The following IGLON5 variants were observed in gnomAD, a reference collection of about 807,000 sequenced individuals.
The protein encoded by IGLON5 is Ig-like domain-containing protein ENSP00000270642.
Under a neutral mutation model 38.2 loss-of-function variants are expected in IGLON5, and 16 were observed. The ratio of observed to expected loss-of-function variants is 0.42; its 90% CI spans 0.28 to 0.64. IGLON5 has a LOEUF of 0.64. Among genes scored for constraint, IGLON5 ranks in the 30% least tolerant of loss-of-function variants. IGLON5 has a pLI of 0.23. For missense variants in IGLON5, 366 were observed against 483.4 expected (o/e 0.76, Z 2.28); for synonymous variants, 207 against 216.4 (o/e 0.96, Z 0.38).
Position 51,327,607 on chromosome 19 carries a change from C to T in IGLON5, c.768-125C>T. On this transcript the variant is annotated intron_variant, in intron 6 of 7. Transcript: ENST00000270642. The surrounding 1 kb of genome is among the most constrained non-coding windows in gnomAD (Gnocchi z 7.1). ...CCGAGGTACATGAGGTGCTAGAACC[C>T]GAGGCGATGGGTCACTGGGGTAGGG... 7.3e-7 allele frequency: 1 copy of T among 1,378,634 alleles called. No individual in the cohort carries two copies. The highest frequency in any genetic ancestry group is 9.7e-7 in the Non-Finnish European group (1 of 1,029,524). 85.4% of individuals were successfully genotyped at this position (1,378,634 alleles called of 1,614,324 possible).
chr19:51,316,215 C>T (rs1471550821), intron 1 of IGLON5, among the ~76,000 whole-genome samples: 1 of 149,786 alleles, frequency 6.7e-6, no homozygotes, highest in Non-Finnish European at 1.5e-5. Flanking sequence ...CATGGTGGCA[C>T]GCACCAGTAG....
At chr19:51,315,363 G>T (rs1052141425) in intron 1 of IGLON5, among the ~76,000 whole-genome samples, 11 of 152,138 alleles carry the variant, frequency 7.2e-5, no homozygotes, top group African/African-American at 2.7e-4. Context: ...GGTTCATCTG[G>T]CTTGTGGGCT....
chr19:51,326,217 C>T (rs1051368090), intron 4 of IGLON5, among the ~76,000 whole-genome samples: 4 of 152,238 alleles, frequency 2.6e-5, no homozygotes, highest in African/African-American at 9.6e-5. Flanking sequence ...GTCATCTGAG[C>T]CCCATGAGCC....
chr19:51,321,982 T>A, intron 1 of IGLON5, 82 bp from the exon 2 acceptor site: 2 of 1,116,792 alleles, frequency 1.8e-6, no homozygotes, highest in Admixed American at 3.4e-5. Context: ...CACAAGGACG[T>A]GCGTGTGCAC....
intron 1 of IGLON5, among the ~76,000 whole-genome samples, chr19:51,316,939 C>A (rs1334488025): frequency 6.6e-6 from 1 of 150,588 alleles, no homozygotes; most frequent in South Asian, 2.1e-4. Context: ...CATGCCCCGC[C>A]CCTCCACCCC....
rs138158340 is a variant in IGLON5, at chr19:51,319,721, G to C, written c.80-2343G>C. Among the ~76,000 whole-genome samples the C allele has an allele frequency of 6.3e-3, 956 of 152,300 alleles. 7 individuals are homozygous for C. Among genetic ancestry groups the C allele is most frequent in the African/African-American group, 0.022 (913 of 41,540 alleles). ...TGACAATATGAGCGCTCCTGGGACAGATCCTCCTTTCCAGCTGACCTGCTG... is the reference window on the plus strand; with the variant it reads ...TGACAATATGAGCGCTCCTGGGACACATCCTCCTTTCCAGCTGACCTGCTG... On this transcript the variant is annotated intron_variant, in intron 1 of 7. Transcript: ENST00000270642.
At position 51,323,819 on chromosome 19, in the gene IGLON5, G is replaced by A. The variant is rs1985145334; in HGVS notation, c.316G>A (p.Asp106Asn). ...SILITEVGLG[D>N]EGLYTCSFQT... ...CCTCATCACCGAGGTGGGGCTCGGC[G>A]ACGAGGGCCTCTACACCTGCTCCTT... The change falls in exon 3 of 8, where the codon GAC (aspartate) becomes AAC (asparagine). Residue 106 changes from aspartate to asparagine, a missense_variant. Asp to Asn is a conservative substitution (Grantham distance 23). Coordinates refer to ENST00000270642, the MANE Select transcript of IGLON5 (RefSeq NM_001101372.3). The A allele has an allele frequency of 1.2e-6, 2 of 1,613,662 alleles. No homozygotes were observed. The highest frequency in any genetic ancestry group is 2.2e-5 in the East Asian group (1 of 44,864).
Position 51,322,160 on chromosome 19 carries a change from T to G in IGLON5, c.158+18T>G, listed in dbSNP as rs767518724. On this transcript the variant is annotated intron_variant, in intron 2 of 7. Coordinates refer to ENST00000270642, the MANE Select transcript of IGLON5 (RefSeq NM_001101372.3). Reference sequence around the variant, plus strand: ...ACCCTCAGGTACCTCCCTCGGTGGGTGGGGACTCAGATCTCATGGAGCCAT... The same window carrying G: ...ACCCTCAGGTACCTCCCTCGGTGGGGGGGGACTCAGATCTCATGGAGCCAT... 1 of 1,595,742 alleles carries G rather than the reference T, an allele frequency of 6.3e-7. No homozygotes were observed. The highest frequency in any genetic ancestry group is 8.6e-7 in the Non-Finnish European group (1 of 1,165,830).
In IGLON5 at chr19:51,327,037, C is replaced by A; in HGVS notation, c.647-43C>A. 1 of 1,599,160 alleles carries A rather than the reference C, an allele frequency of 6.3e-7. No homozygotes were observed. Among genetic ancestry groups the A allele is most frequent in the South Asian group, 1.1e-5 (1 of 90,390 alleles). ...GGGCTGGGGGCGGGACCCCTTCGTC[C>A]CCACGCGGCTAGGAGAATTCGCTGA... On this transcript the variant is annotated intron_variant, in intron 5 of 7. Transcript: ENST00000270642. This position sits in a 1 kb window ranked among gnomAD's most constrained non-coding sequence, Gnocchi z 7.1.
chr19:51,322,181 G>A, intron 2 of IGLON5, 39 bp downstream of exon 2: 1 of 1,507,958 alleles, frequency 6.6e-7, no homozygotes, highest in South Asian at 1.1e-5. Context: ...ATCTCATGGA[G>A]CCATGCGGTC....
intron 1 of IGLON5, among the ~76,000 whole-genome samples, chr19:51,318,377 G>A (rs1468139504): frequency 5.3e-5 from 8 of 152,252 alleles, no homozygotes; most frequent in Non-Finnish European, 2.9e-5. Flanking sequence ...TCATCAGAGT[G>A]CAATGGACAA....
Position 51,327,612 on chromosome 19 carries a change from C to T in IGLON5, c.768-120C>T. ...GTACATGAGGTGCTAGAACCCGAGGCGATGGGTCACTGGGGTAGGGGGCAG... is the reference window on the plus strand; with the variant it reads ...GTACATGAGGTGCTAGAACCCGAGGTGATGGGTCACTGGGGTAGGGGGCAG... On this transcript the variant is annotated intron_variant, in intron 6 of 7. Coordinates refer to ENST00000270642, the MANE Select transcript of IGLON5 (RefSeq NM_001101372.3). This position sits in a 1 kb window ranked among gnomAD's most constrained non-coding sequence, Gnocchi z 7.1. The T allele has an allele frequency of 7.2e-7, 1 of 1,388,102 alleles. No individual in the cohort carries two copies. Among genetic ancestry groups the T allele is most frequent in the Non-Finnish European group, 9.6e-7 (1 of 1,036,600 alleles). 86.0% of individuals were successfully genotyped at this position (1,388,102 alleles called of 1,614,324 possible). A position where few individuals can be genotyped will look rare whatever the true frequency, so the allele number is the denominator to read the frequency against.
chr19:51,327,309 G>A lies in IGLON5; in HGVS notation c.767+109G>A, dbSNP rs1293820061. ...GGCGGGGGAAGGCAGCAGAGCTCTGGGTCCCGAACCTGGGGCGTCCAGCTT... is the reference window on the plus strand; with the variant it reads ...GGCGGGGGAAGGCAGCAGAGCTCTGAGTCCCGAACCTGGGGCGTCCAGCTT... On this transcript the variant is annotated intron_variant, in intron 6 of 7. Transcript: ENST00000270642. This position sits in a 1 kb window ranked among gnomAD's most constrained non-coding sequence, Gnocchi z 7.1. 6.9e-7 allele frequency: 1 copy of A among 1,458,506 alleles called. No individual in the cohort carries two copies. Among genetic ancestry groups the A allele is most frequent in the African/African-American group, 1.4e-5 (1 of 71,406 alleles). 90.3% of individuals were successfully genotyped at this position (1,458,506 alleles called of 1,614,324 possible).
intron 2 of IGLON5, among the ~76,000 whole-genome samples, chr19:51,322,438 GGACAGAGA>G (rs1314005843): frequency 2.0e-5 from 3 of 147,670 alleles, no homozygotes; most frequent in African/African-American, 8.0e-5. Context: ...AGAGAGAAGG[GGACAGAGA>G]TCCAGAGAGA....
rs1467317726 is a variant in IGLON5, at chr19:51,327,901, GGGGCGGGGCCGGGAAGGT to G, written c.922+29_922+46del. ...GCGGCTCCTGCGTGCGTCTTCGGGCGGGGCGGGGCCGGGAAGGTGGGCGGGGCCGGGGGCGGGGCTAGG... is the reference window on the plus strand; with the variant it reads ...GCGGCTCCTGCGTGCGTCTTCGGGCGGGGCGGGGCCGGGGGCGGGGCTAGG... On this transcript the variant is annotated intron_variant, in intron 7 of 7. Transcript: ENST00000270642. The surrounding 1 kb of genome is among the most constrained non-coding windows in gnomAD (Gnocchi z 7.1). 16 of 1,491,114 alleles carry G rather than the reference GGGGCGGGGCCGGGAAGGT, an allele frequency of 1.1e-5. No individual in the cohort carries two copies. Among genetic ancestry groups the G allele is most frequent in the Middle Eastern group, 2.4e-4 (1 of 4,136 alleles). The allele number at this position is 1,491,114 out of a possible 1,614,324, so 92.4% of individuals were successfully genotyped here. A position where few individuals can be genotyped will look rare whatever the true frequency, so the allele number is the denominator to read the frequency against.
chr19:51,321,688 C>G (rs1460341706), intron 1 of IGLON5, among the ~76,000 whole-genome samples: 1 of 152,108 alleles, frequency 6.6e-6, no homozygotes, highest in Non-Finnish European at 1.5e-5. Context: ...CTGTGTGTAT[C>G]TGTATGTGTG....
intron 7 of IGLON5, 124 bp from the exon 8 acceptor site, chr19:51,328,547 C>T: frequency 2.3e-6 from 1 of 436,414 alleles, no homozygotes; most frequent in Non-Finnish European, 4.1e-6. Flanking sequence ...AAAGCAGGCA[C>T]ACCCAATGAG....
Position 51,327,897 on chromosome 19 carries a change from G to T in IGLON5, c.922+11G>T, listed in dbSNP as rs1425524788. 7.4e-6 allele frequency: 11 copies of T among 1,490,424 alleles called. No homozygotes were observed. The highest frequency in any genetic ancestry group is 2.2e-5 in the Admixed American group (1 of 44,698). The allele number at this position is 1,490,424 out of a possible 1,614,324, so 92.3% of individuals were successfully genotyped here. A position where few individuals can be genotyped will look rare whatever the true frequency, so the allele number is the denominator to read the frequency against. ...CCATGCGGCTCCTGCGTGCGTCTTC[G>T]GGCGGGGCGGGGCCGGGAAGGTGGG... On this transcript the variant is annotated intron_variant, in intron 7 of 7. Transcript: ENST00000270642. This position sits in a 1 kb window ranked among gnomAD's most constrained non-coding sequence, Gnocchi z 7.1.
Position 51,327,256 on chromosome 19 carries a change from T to G in IGLON5, c.767+56T>G, listed in dbSNP as rs1320354608. The G allele has an allele frequency of 1.3e-6, 2 of 1,566,802 alleles. No individual in the cohort carries two copies. The highest frequency in any genetic ancestry group is 1.7e-6 in the Non-Finnish European group (2 of 1,154,256). On this transcript the variant is annotated intron_variant, in intron 6 of 7. Transcript: ENST00000270642. The surrounding 1 kb of genome is among the most constrained non-coding windows in gnomAD (Gnocchi z 7.1). ...CGGGAAGGGGAGGTCTTTAGTCCCT[T>G]CGATTGTGAGGCAGGGGGACGGAGC...
Sources: allele counts gnomAD v4.1 joint callset (sites outside exome capture counted in the v4.1 genomes callset), GRCh38; gene constraint gnomAD v4.1.1; non-coding constraint Gnocchi (gnomAD v3.1); transcripts MANE v1.5; gene names NCBI Gene and HGNC (gene_info 2026-07-23, HGNC 2026-07-21).